Variants in ACACA observed in about 807,000 individuals in gnomAD.
The protein encoded by ACACA is acetyl-CoA carboxylase 1.
A neutral mutation model predicts 296.1 loss-of-function variants in ACACA; 103 were observed. The observed-to-expected ratio is 0.35, with a 90% CI of 0.30 to 0.41. The LOEUF (loss-of-function observed/expected upper bound fraction) is 0.41. Ranked by LOEUF, ACACA falls within the 10% of genes least tolerant of loss-of-function variation. The pLI, the probability that ACACA is intolerant of heterozygous loss-of-function variation, is 1.00. For missense variants in ACACA, 1,554 were observed against 2,989.7 expected (o/e 0.52, Z 11.20); for synonymous variants, 953 against 1,038.6 (o/e 0.92, Z 1.58).
At chr17:37,340,221 C>T (rs1322107599) in intron 1 of ACACA, among the ~76,000 whole-genome samples, 1 of 152,162 alleles carries the variant, frequency 6.6e-6, no homozygotes, top group South Asian at 2.1e-4. Context: ...TTCACTTAAG[C>T]TCTGATTATG....
intron 28 of ACACA, among the ~76,000 whole-genome samples, chr17:37,222,389 G>A (rs2079338226): frequency 6.6e-6 from 1 of 152,142 alleles, no homozygotes; most frequent in African/African-American, 2.4e-5. Context: ...GGCATAAGCA[G>A]TAAGACATAA....
At chr17:37,124,067 A>G (rs2074657701) in intron 48 of ACACA, among the ~76,000 whole-genome samples, 1 of 152,266 alleles carries the variant, frequency 6.6e-6, no homozygotes, top group South Asian at 2.1e-4. Context: ...AATAGCACAC[A>G]TATTCCAAAC....
chr17:37,186,377 TAC>T (rs2077531461), intron 39 of ACACA, among the ~76,000 whole-genome samples: 1 of 152,212 alleles, frequency 6.6e-6, no homozygotes, highest in Non-Finnish European at 1.5e-5. Flanking sequence ...ATTTCTTGAG[TAC>T]AGTTTGCTTT....
intron 41 of ACACA, among the ~76,000 whole-genome samples, chr17:37,174,577 G>C (rs2144740493): frequency 2.0e-5 from 3 of 151,790 alleles, no homozygotes; most frequent in Admixed American, 2.0e-4. Context: ...TCTGTAACCA[G>C]GCTTGAGTGC....
chr17:37,097,916 G>C lies in ACACA; in HGVS notation c.6634C>G (p.Leu2212Val). 6.2e-7 allele frequency: 1 copy of C among 1,614,154 alleles called. No individual in the cohort carries two copies. The highest frequency in any genetic ancestry group is 8.5e-7 in the Non-Finnish European group (1 of 1,180,030). The change falls in exon 53 of 56, where the codon CTA (leucine) becomes GTA (valine). Residue 2212 changes from leucine (L) to valine (V), a missense_variant. Leu to Val is a conservative substitution (Grantham distance 32, BLOSUM62 1). Around this residue, in one of 16 missense-constraint regions of ACACA, gnomAD observed 553 missense variants for 1,043.6 expected, o/e 0.53. Coordinates refer to ENST00000616317, the MANE Select transcript of ACACA (RefSeq NM_198834.3). The surrounding 1 kb of genome is among the most constrained non-coding windows in gnomAD (Gnocchi z 4.8). ...ENKLKEREEF[L>V]IPIYHQVAVQ... Reference sequence around the variant, plus strand: ...GCTACCTGATGGTAAATGGGAATTAGGAATTCCTCCCGCTCCTTCAACTTG... The same window carrying C: ...GCTACCTGATGGTAAATGGGAATTACGAATTCCTCCCGCTCCTTCAACTTG...
intron 6 of ACACA, 36 bp downstream of exon 6, chr17:37,277,860 G>T: frequency 6.6e-7 from 1 of 1,519,070 alleles, no homozygotes; most frequent in Non-Finnish European, 9.1e-7. Context: ...TAAAATGGCT[G>T]AATTTGGTTT....
At chr17:37,371,317 G>T (rs2049798545) in intron 1 of ACACA, among the ~76,000 whole-genome samples, 1 of 151,798 alleles carries the variant, frequency 6.6e-6, no homozygotes, top group Non-Finnish European at 1.5e-5. Flanking sequence ...GACCTCAGGT[G>T]ATCCACCTAA....
chr17:37,174,183 A>AT (rs1307528731), intron 41 of ACACA, among the ~76,000 whole-genome samples: 5 of 150,358 alleles, frequency 3.3e-5, no homozygotes, highest in Admixed American at 6.6e-5. Flanking sequence ...TTAAACTTTA[A>AT]TTTACACTAC....
chr17:37,131,124 TCCTTCCCTTC>T (rs959073140), intron 45 of ACACA, among the ~76,000 whole-genome samples: 60 of 152,030 alleles, frequency 3.9e-4, no homozygotes, highest in African/African-American at 1.4e-3. Context: ...CTTCCCCTCC[TCCTTCCCTTC>T]CCAGGCTCCA....
At chr17:37,222,279 G>A (rs2079330622) in intron 28 of ACACA, among the ~76,000 whole-genome samples, 1 of 152,166 alleles carries the variant, frequency 6.6e-6, no homozygotes, top group South Asian at 2.1e-4. Flanking sequence ...TCACAGTACA[G>A]TTCAACTCTT....
chr17:37,358,493 A>G (rs2049247218), intron 1 of ACACA, among the ~76,000 whole-genome samples: 1 of 152,214 alleles, frequency 6.6e-6, no homozygotes, highest in South Asian at 2.1e-4. Context: ...CCACGATACA[A>G]AGGCACGGAG....
intron 3 of ACACA, among the ~76,000 whole-genome samples, chr17:37,288,001 T>C (rs948821868): frequency 3.3e-5 from 5 of 152,286 alleles, no homozygotes; most frequent in East Asian, 3.9e-4. Flanking sequence ...AGGCACCTTA[T>C]AGAAAAAGAG....
chr17:37,390,320 A>AAT (rs1568096336), intron 1 of ACACA, among the ~76,000 whole-genome samples: 1 of 47,950 alleles, frequency 2.1e-5, no homozygotes, highest in African/African-American at 1.1e-4. Context: ...ATATATATAT[A>AAT]TATATATATA....
rs143267096 is a variant in ACACA at position 37,330,157 on chromosome 17, T to C, written c.338+16A>G. 2.9e-4 allele frequency: 470 copies of C among 1,613,886 alleles called. 2 individuals carry two copies. In the African/African-American group the frequency reaches 5.1e-3, roughly 17 times the overall value. ...CAAGACAGATTAAATAAGTAGACCA[T>C]TGAACTCTCTCTTACCTTATGTGCA... On this transcript the variant is annotated intron_variant, in intron 3 of 55. Coordinates refer to ENST00000616317, the MANE Select transcript of ACACA (RefSeq NM_198834.3).
chr17:37,207,816 A>G lies in ACACA; in HGVS notation c.3708-16T>C, dbSNP rs780686802. 6.2e-7 allele frequency: 1 copy of G among 1,613,266 alleles called. No homozygotes were observed. The highest frequency in any genetic ancestry group is 1.3e-5 in the African/African-American group (1 of 74,910). On this transcript the variant is annotated splice_polypyrimidine_tract_variant and intron_variant, in intron 30 of 55. Transcript: ENST00000616317. The stretch of plus-strand genomic sequence containing the variant: ...GAAGGACATTCTAAATGGTAATTCA[A>G]TCACGTTCATTAGACAAGGAGGGTA...
chr17:37,220,493 G>A (rs2079234021), intron 29 of ACACA, among the ~76,000 whole-genome samples: 1 of 152,196 alleles, frequency 6.6e-6, no homozygotes, highest in African/African-American at 2.4e-5. Context: ...ACTGAGTGCT[G>A]TGCCTATGTG....
At chr17:37,174,014 ATATATATTT>A (rs1274718609) in intron 41 of ACACA, among the ~76,000 whole-genome samples, 1 of 14,002 alleles carries the variant, frequency 7.1e-5, no homozygotes, top group South Asian at 5.6e-3. Flanking sequence ...ATATATATAT[ATATATATTT>A]TTTTTTTTTT....
intron 33 of ACACA, among the ~76,000 whole-genome samples, chr17:37,203,151 G>A (rs920688092): frequency 9.2e-5 from 14 of 151,650 alleles, no homozygotes; most frequent in Admixed American, 2.6e-4. Context: ...CAGTAGAGAC[G>A]GGGTTTCACC....
chr17:37,332,498 C>T lies in ACACA; in HGVS notation c.86-2073G>A, dbSNP rs897555209. Reference sequence around the variant, plus strand: ...TTAATTCAGAAAATAAGCCTGGGCGCGGTGGCTCACGCCTATAATCCTAAC... The same window carrying T: ...TTAATTCAGAAAATAAGCCTGGGCGTGGTGGCTCACGCCTATAATCCTAAC... On this transcript the variant is annotated intron_variant, in intron 2 of 55. Transcript: ENST00000616317. Among the ~76,000 whole-genome samples the T allele has an allele frequency of 7.3e-5, 11 of 150,542 alleles. No homozygotes were observed. In the South Asian group the frequency reaches 8.4e-4, roughly 12 times the overall value.
Sources: allele counts gnomAD v4.1 joint callset (sites outside exome capture counted in the v4.1 genomes callset), GRCh38; gene constraint gnomAD v4.1.1; regional missense constraint gnomAD v4.1.1; non-coding constraint Gnocchi (gnomAD v3.1); transcripts MANE v1.5; gene names NCBI Gene and HGNC (gene_info 2026-07-23, HGNC 2026-07-21).